RPA3: variants seen among roughly 807,000 people sequenced by gnomAD.
The protein encoded by RPA3 is replication protein A3, also known as replication protein A 14 kDa subunit.
In RPA3, 24 loss-of-function variants were observed where a neutral mutation model predicts 13.7. The ratio of observed to expected loss-of-function variants is 1.75; its 90% CI spans 1.27 to 2.46. The LOEUF (loss-of-function observed/expected upper bound fraction) is 2.46. Ranked by LOEUF, RPA3 falls within the 30% of genes most tolerant of loss-of-function variation. RPA3 has a pLI of 0.00. For missense variants in RPA3, 183 were observed against 151.0 expected (o/e 1.21, Z -1.11); for synonymous variants, 59 against 51.2 (o/e 1.15, Z -0.65).
At chr7:7,639,192 T>A in intron 5 of RPA3, 48 bp from the exon 6 acceptor site, 1 of 1,471,500 alleles carries the variant, frequency 6.8e-7, no homozygotes, top group Non-Finnish European at 9.4e-7. Context: ...AACAACAAAG[T>A]TTGACTAAAG....
At chr7:7,654,140 A>G in intron 4 of RPA3, among the ~76,000 whole-genome samples, 1 of 152,340 alleles carries the variant, frequency 6.6e-6, no homozygotes, top group Non-Finnish European at 1.5e-5. Flanking sequence ...AGGGCATTCA[A>G]TTAAAAAGAA....
chr7:7,643,204 C>G (rs373660408), intron 4 of RPA3, among the ~76,000 whole-genome samples: 8 of 152,052 alleles, frequency 5.3e-5, no homozygotes, highest in African/African-American at 1.4e-4. Flanking sequence ...AATGTAGACC[C>G]GAGGGAGAAA....
At chr7:7,706,205 T>A (rs2115162912) in intron 2 of RPA3, among the ~76,000 whole-genome samples, 1 of 152,248 alleles carries the variant, frequency 6.6e-6, no homozygotes, top group South Asian at 2.1e-4. Context: ...AAGTCCATGT[T>A]GAGTCAGAAC....
intron 2 of RPA3, among the ~76,000 whole-genome samples, chr7:7,710,747 A>G (rs554066062): frequency 6.6e-6 from 1 of 152,358 alleles, no homozygotes; most frequent in Middle Eastern, 3.4e-3. Flanking sequence ...CTGAGTATTT[A>G]TAGCAATTTT....
chr7:7,689,570 A>T (rs561677870), intron 2 of RPA3: 1 of 152,116 alleles, frequency 6.6e-6, no homozygotes, highest in African/African-American at 2.4e-5. Context: ...TTATAATGCT[A>T]TCTCCCTGGA....
chr7:7,700,298 A>G (rs1479085664), intron 2 of RPA3, among the ~76,000 whole-genome samples: 3 of 152,050 alleles, frequency 2.0e-5, no homozygotes, highest in Non-Finnish European at 4.4e-5. Flanking sequence ...TGTGTACTTC[A>G]CCCTCAATAC....
At chr7:7,693,592 G>T (rs1233920229) in intron 2 of RPA3, among the ~76,000 whole-genome samples, 1 of 151,932 alleles carries the variant, frequency 6.6e-6, no homozygotes, top group Non-Finnish European at 1.5e-5. Flanking sequence ...AAACATTAAG[G>T]TCTATTTTAA....
intron 2 of RPA3, among the ~76,000 whole-genome samples, chr7:7,714,551 A>G (rs1025090104): frequency 4.6e-5 from 7 of 152,244 alleles, no homozygotes; most frequent in African/African-American, 7.2e-5. Context: ...GGTGTGGGTG[A>G]GATGACTTAG....
intron 4 of RPA3, among the ~76,000 whole-genome samples, chr7:7,656,099 T>C (rs1221263404): frequency 6.6e-6 from 1 of 152,054 alleles, no homozygotes; most frequent in Non-Finnish European, 1.5e-5. Flanking sequence ...CCTCCCAAAG[T>C]ACTGAGATTA....
intron 4 of RPA3, among the ~76,000 whole-genome samples, chr7:7,677,545 TCTC>T (rs1779773162): frequency 6.6e-6 from 1 of 152,168 alleles, no homozygotes; most frequent in Non-Finnish European, 1.5e-5. Context: ...CTTTACATGA[TCTC>T]CTCTAGTACC....
At chr7:7,672,845 A>G (rs1779640736) in intron 4 of RPA3, among the ~76,000 whole-genome samples, 1 of 152,166 alleles carries the variant, frequency 6.6e-6, no homozygotes, top group African/African-American at 2.4e-5. Context: ...CAATTAGGTA[A>G]CCATCAGTAG....
intron 4 of RPA3, among the ~76,000 whole-genome samples, chr7:7,663,772 A>G (rs1785535467): frequency 6.6e-6 from 1 of 152,214 alleles, no homozygotes; most frequent in African/African-American, 2.4e-5. Context: ...CCGGGGCAAT[A>G]ACGAATGCAT....
intron 4 of RPA3, among the ~76,000 whole-genome samples, chr7:7,648,559 AAAAT>A (rs1392760287): frequency 6.6e-6 from 1 of 152,214 alleles, no homozygotes; most frequent in Non-Finnish European, 1.5e-5. Flanking sequence ...ATTTATAAAG[AAAAT>A]AAAATTGGCA....
At chr7:7,698,233 T>C (rs62432581) in intron 2 of RPA3, among the ~76,000 whole-genome samples, 7,780 of 152,296 alleles carry the variant, frequency 0.051, 250 homozygotes, top group Middle Eastern at 0.12. Flanking sequence ...TTTAGTAAGA[T>C]ATAGACAGGG....
In RPA3 at chr7:7,684,950, A is replaced by T. The variant is rs531648077; in HGVS notation, c.-758+880T>A. Reference sequence around the variant, plus strand: ...TAAGTATGCATACCATGTTATGTACATGGAATTTCTCCTACTGTTTCCTTA... The same window carrying T: ...TAAGTATGCATACCATGTTATGTACTTGGAATTTCTCCTACTGTTTCCTTA... On this transcript the variant is annotated intron_variant, in intron 4 of 7. Coordinates refer to ENST00000223129, the MANE Select transcript of RPA3 (RefSeq NM_002947.5). Among the ~76,000 whole-genome samples the T allele has an allele frequency of 2.0e-5, 3 of 152,220 alleles. No individual in the cohort carries two copies. The East Asian group carries it at 5.8e-4, about 29-fold the overall frequency.
intron 4 of RPA3, among the ~76,000 whole-genome samples, chr7:7,681,467 C>T (rs955522471): frequency 3.3e-5 from 5 of 151,928 alleles, no homozygotes; most frequent in South Asian, 2.1e-4. Context: ...ATTAAGATTT[C>T]GAAAGCTTTT....
chr7:7,670,504 G>A (rs917575680), intron 4 of RPA3, among the ~76,000 whole-genome samples: 5 of 152,098 alleles, frequency 3.3e-5, no homozygotes, highest in African/African-American at 1.2e-4. Flanking sequence ...CTAACGATTC[G>A]GTGGTTCTCA....
chr7:7,704,699 G>A (rs1186308705), intron 2 of RPA3, among the ~76,000 whole-genome samples: 1 of 147,924 alleles, frequency 6.8e-6, no homozygotes, highest in Non-Finnish European at 1.5e-5. Context: ...CCCAGGGGGT[G>A]GAGGTTGCAG....
intron 5 of RPA3, 94 bp downstream of exon 5, chr7:7,640,226 G>A (rs948618024): frequency 7.6e-7 from 1 of 1,319,864 alleles, no homozygotes; most frequent in African/African-American, 1.4e-5. Context: ...CGCAGTGATC[G>A]GAGGCTTTCC....
Sources: allele counts gnomAD v4.1 joint callset (sites outside exome capture counted in the v4.1 genomes callset), GRCh38; gene constraint gnomAD v4.1.1; transcripts MANE v1.5; gene names NCBI Gene and HGNC (gene_info 2026-07-23, HGNC 2026-07-21).